DTX2: variants seen among roughly 807,000 people sequenced by gnomAD.
The protein encoded by DTX2 is probable E3 ubiquitin-protein ligase DTX2.
DTX2 carries 29 observed loss-of-function variants against 55.3 expected under a neutral mutation model. The ratio of observed to expected loss-of-function variants is 0.52; its 90% CI spans 0.39 to 0.71. The LOEUF (loss-of-function observed/expected upper bound fraction) is 0.71. Among genes scored for constraint, DTX2 ranks in the 30% least tolerant of loss-of-function variants. The pLI is 0.00. For synonymous variants in DTX2, 276 were observed against 340.4 expected, an observed-to-expected ratio of 0.81 and a Z score of 2.08; for missense variants, 537 against 822.5, an observed-to-expected ratio of 0.65 and a Z score of 4.25.
chr7:76,491,296 AT>A (rs565898747), intron 4 of DTX2, among the ~76,000 whole-genome samples: 28,510 of 110,746 alleles, frequency 0.26, 2,996 homozygotes, highest in African/African-American at 0.3. Flanking sequence ...GCACCCAGCC[AT>A]TTTTTTTTTT....
chr7:76,490,975 A>C (rs1810343185), intron 4 of DTX2, among the ~76,000 whole-genome samples: 1 of 124,394 alleles, frequency 8.0e-6, no homozygotes. Context: ...TCTCCTCTAA[A>C]CAGGTGCTAT....
At chr7:76,471,871 A>G (rs1345419794) in intron 2 of DTX2, among the ~76,000 whole-genome samples, 2 of 151,196 alleles carry the variant, frequency 1.3e-5, no homozygotes, top group African/African-American at 4.9e-5. Flanking sequence ...GTTGACCACA[A>G]GGGAATTGTA....
intron 2 of DTX2, among the ~76,000 whole-genome samples, chr7:76,473,056 C>T (rs1042138668): frequency 2.6e-5 from 4 of 152,050 alleles, no homozygotes; most frequent in African/African-American, 9.7e-5. Context: ...GTCTTGACCT[C>T]CTGGCCTCAA....
At chr7:76,481,138 G>T (rs893653767) in intron 3 of DTX2, among the ~76,000 whole-genome samples, 1 of 152,188 alleles carries the variant, frequency 6.6e-6, no homozygotes. Context: ...AGGCAACTGC[G>T]CCCCTCTGCA....
At chr7:76,504,784 G>C (rs1195684401) in intron 10 of DTX2, among the ~76,000 whole-genome samples, 3 of 152,086 alleles carry the variant, frequency 2.0e-5, no homozygotes, top group Non-Finnish European at 2.9e-5. Context: ...GACATGAATA[G>C]GGACTTTGTG....
chr7:76,482,724 C>T lies in DTX2; in HGVS notation c.485C>T (p.Thr162Ile). 1 of 1,613,884 alleles carries T rather than the reference C, an allele frequency of 6.2e-7. No homozygotes were observed. Among genetic ancestry groups the T allele is most frequent in the Non-Finnish European group, 8.5e-7 (1 of 1,179,810 alleles). ...YTVNYTTHTQTNKTSSFCRSV... is the reference protein window; with the variant it reads ...YTVNYTTHTQINKTSSFCRSV... ...GTCAACTACACCACCCACACGCAGA[C>T]CAACAAGACTTCCAGCTTCTGCCGC... Residue 162 changes from threonine to isoleucine, a missense_variant, in exon 4 of 11, where the codon ACC (threonine) becomes ATC (isoleucine). Thr to Ile is a moderately conservative substitution (Grantham distance 89). Around this residue, in one of 7 missense-constraint regions of DTX2, gnomAD observed 301 missense variants for 396.6 expected, o/e 0.76. Coordinates refer to ENST00000430490, the MANE Select transcript of DTX2 (RefSeq NM_001102594.3).
chr7:76,479,827 G>A (rs1189799361), intron 2 of DTX2, among the ~76,000 whole-genome samples: 1 of 150,124 alleles, frequency 6.7e-6, no homozygotes, highest in Non-Finnish European at 1.5e-5. Flanking sequence ...GGGTCAGAGG[G>A]GAATTATCAG....
chr7:76,473,080 C>T (rs1446184072), intron 2 of DTX2, among the ~76,000 whole-genome samples: 1 of 152,130 alleles, frequency 6.6e-6, no homozygotes, highest in Non-Finnish European at 1.5e-5. Context: ...ATCCTCTTCC[C>T]TCCACCTCCC....
chr7:76,502,552 G>A lies in DTX2; in HGVS notation c.1389+96G>A, dbSNP rs1811857423. ...GGGAGGGTTCCGGGGGTGGCTGTAGGAATGGGCCTCTGCAAAAGATGGTGC... is the reference window on the plus strand; with the variant it reads ...GGGAGGGTTCCGGGGGTGGCTGTAGAAATGGGCCTCTGCAAAAGATGGTGC... On this transcript the variant is annotated intron_variant, in intron 8 of 10. Coordinates refer to ENST00000430490, the MANE Select transcript of DTX2 (RefSeq NM_001102594.3). 1.4e-5 allele frequency: 19 copies of A among 1,380,730 alleles called. No homozygotes were observed. In the South Asian group the frequency reaches 2.7e-4, roughly 19 times the overall value. The allele number at this position is 1,380,730 out of a possible 1,614,324, so 85.5% of individuals were successfully genotyped here.
chr7:76,481,010 G>T (rs1809131224), intron 3 of DTX2, among the ~76,000 whole-genome samples: 1 of 152,356 alleles, frequency 6.6e-6, no homozygotes, highest in Admixed American at 6.5e-5. Context: ...AAGCAGAAAT[G>T]CCTGTCCCGA....
chr7:76,505,421 A>C lies in DTX2; in HGVS notation c.1689A>C (p.Thr563=), dbSNP rs770491166. 1 of 1,597,906 alleles carries C rather than the reference A, an allele frequency of 6.3e-7. No individual in the cohort carries two copies. Among genetic ancestry groups the C allele is most frequent in the East Asian group, 2.3e-5 (1 of 43,876 alleles). ...CCTGGAAGAGGCGGCTCATCTTCACAGTGGGCACGTCCAGCACCACGGGTG... is the reference window on the plus strand; with the variant it reads ...CCTGGAAGAGGCGGCTCATCTTCACCGTGGGCACGTCCAGCACCACGGGTG... The part of the protein sequence containing the change: ...KVAWKRRLIF[T]VGTSSTTGET... The change falls in exon 11 of 11, where the codon ACA becomes ACC. Residue 563 remains threonine (T), a synonymous_variant. Coordinates refer to ENST00000430490, the MANE Select transcript of DTX2 (RefSeq NM_001102594.3). This position sits in a 1 kb window ranked among gnomAD's most constrained non-coding sequence, Gnocchi z 4.4.
intron 2 of DTX2, among the ~76,000 whole-genome samples, chr7:76,466,505 G>A (rs1206484511): frequency 2.0e-5 from 3 of 149,646 alleles, no homozygotes; most frequent in Non-Finnish European, 4.4e-5. Context: ...CTTGTTTTCT[G>A]TTCTTACCCT....
intron 2 of DTX2, chr7:76,477,157 C>CTCCCGCCT (rs1554633525): frequency 7.7e-6 from 1 of 129,616 alleles, no homozygotes; most frequent in East Asian, 2.4e-4. Context: ...TCCGCCCGCC[C>CTCCCGCCT]GCCCGCCCGA....
chr7:76,505,501 A>G lies in DTX2; in HGVS notation c.1769A>G (p.Asn590Ser), dbSNP rs780588027. The change falls in exon 11 of 11, where the codon AAC (asparagine) becomes AGC (serine). Residue 590 changes from asparagine (N) to serine (S), a missense_variant. This residue lies in a region of DTX2 where 59 missense variants were observed against 54.1 expected (regional missense o/e 1.09). Coordinates refer to ENST00000430490, the MANE Select transcript of DTX2 (RefSeq NM_001102594.3). This position sits in a 1 kb window ranked among gnomAD's most constrained non-coding sequence, Gnocchi z 4.4. The part of the protein sequence containing the change: ...EIHHKTEMDR[N>S]ITGHGYPDPN... ...CACCACAAGACAGAGATGGACCGCA[A>G]CATTACGGGCCACGGCTATCCCGAC... 1.2e-6 allele frequency: 2 copies of G among 1,609,880 alleles called. No individual in the cohort carries two copies. Among genetic ancestry groups the G allele is most frequent in the South Asian group, 1.1e-5 (1 of 90,120 alleles).
In DTX2 at chr7:76,505,018, G is replaced by A. The variant is rs933163461; in HGVS notation, c.1642-356G>A. ...GGAGCTGGAGGCGGGGAGAGGGCAGGGAGAGGGCAGGGAGGCCTGGATTCC... is the reference window on the plus strand; with the variant it reads ...GGAGCTGGAGGCGGGGAGAGGGCAGAGAGAGGGCAGGGAGGCCTGGATTCC... On this transcript the variant is annotated intron_variant, in intron 10 of 10. Coordinates refer to ENST00000430490, the MANE Select transcript of DTX2 (RefSeq NM_001102594.3). This position sits in a 1 kb window ranked among gnomAD's most constrained non-coding sequence, Gnocchi z 4.4. 4.7e-5 allele frequency among the ~76,000 whole-genome samples: 7 copies of A among 149,720 alleles called. No individual in the cohort carries two copies. Among genetic ancestry groups the A allele is most frequent in the Admixed American group, 3.3e-4 (5 of 14,982 alleles).
At chr7:76,471,156 C>G (rs1311281052) in intron 2 of DTX2, 16 of 327,008 alleles carry the variant, frequency 4.9e-5, no homozygotes, top group Admixed American at 1.0e-4. Flanking sequence ...TCCATTCGTT[C>G]TTTTTTTTTT....
At position 76,480,395 on chromosome 7, in the gene DTX2, A is replaced by C. The variant is rs1349934086; in HGVS notation, c.-89-26A>C. On this transcript the variant is annotated intron_variant, in intron 2 of 10. Transcript: ENST00000430490. ...GCAGGGCTACTGATGTGCATTGGTA[A>C]CTGCTCATGTCTGTCCTGTTCACAG... 1.5e-5 allele frequency: 18 copies of C among 1,217,988 alleles called. No individual in the cohort carries two copies. The East Asian group carries it at 4.1e-4, about 27-fold the overall frequency. The allele number at this position is 1,217,988 out of a possible 1,614,324, so 75.4% of individuals were successfully genotyped here. A position where few individuals can be genotyped will look rare whatever the true frequency, so the allele number is the denominator to read the frequency against.
In DTX2 at chr7:76,503,549, A is replaced by G; in HGVS notation, c.1513A>G (p.Thr505Ala). ...GCTCCCCGGCCACGAGGACTGCGGG[A>G]CCATCCTCATAGTTTACAGCATTCC... The part of the protein sequence containing the change: ...MSLPGHEDCG[T>A]ILIVYSIPHG... Residue 505 changes from threonine (T) to alanine (A), a missense_variant, in exon 9 of 11, where the codon ACC becomes GCC. This residue lies in a region of DTX2 where 121 missense variants were observed against 136.8 expected (regional missense o/e 0.88). Coordinates refer to ENST00000430490, the MANE Select transcript of DTX2 (RefSeq NM_001102594.3). The G allele has an allele frequency of 1.2e-6, 2 of 1,612,590 alleles. No homozygotes were observed. Among genetic ancestry groups the G allele is most frequent in the Non-Finnish European group, 1.7e-6 (2 of 1,179,796 alleles).
intron 2 of DTX2, among the ~76,000 whole-genome samples, chr7:76,465,190 G>A (rs1470261427): frequency 6.9e-6 from 1 of 145,640 alleles, no homozygotes; most frequent in Non-Finnish European, 1.5e-5. Flanking sequence ...GGTGGGTAAG[G>A]TGAGGACAGG....
Sources: gnomAD v4.1 joint callset for allele counts (sites outside exome capture counted in the v4.1 genomes callset) on GRCh38, gnomAD v4.1.1 for gene constraint, gnomAD v4.1.1 regional missense constraint, Gnocchi (gnomAD v3.1) non-coding constraint, MANE v1.5 for transcripts, NCBI Gene and HGNC (gene_info 2026-07-23, HGNC 2026-07-21) for gene names.